ANKFY1: variants seen among roughly 807,000 people sequenced by gnomAD.
The protein encoded by ANKFY1 is ankyrin repeat and FYVE domain containing 1.
ANKFY1 carries 47 observed loss-of-function variants against 128.3 expected under a neutral mutation model. The observed-to-expected ratio is 0.37, with a 90% CI of 0.29 to 0.47. The LOEUF (loss-of-function observed/expected upper bound fraction) is 0.47, where lower values mean the gene tolerates loss of function less well. ANKFY1 is among the 20% of genes least tolerant of loss of function. ANKFY1 has a pLI of 1.00. For missense variants in ANKFY1, 1,222 were observed against 1,510.6 expected (o/e 0.81, Z 3.17); for synonymous variants, 553 against 601.6 (o/e 0.92, Z 1.18).
At chr17:4,253,981 T>A (rs1471553848) in intron 1 of ANKFY1, among the ~76,000 whole-genome samples, 1 of 152,146 alleles carries the variant, frequency 6.6e-6, no homozygotes, top group Non-Finnish European at 1.5e-5. Context: ...AACATCATTA[T>A]GCAGCACGTA....
At chr17:4,189,067 T>C (rs903596190) in intron 11 of ANKFY1, among the ~76,000 whole-genome samples, 4 of 152,182 alleles carry the variant, frequency 2.6e-5, no homozygotes, top group South Asian at 4.1e-4. Flanking sequence ...AAGAATCAAA[T>C]GCTATCGCGG....
In ANKFY1 at chr17:4,206,423, G is replaced by T. The variant is rs148775264; in HGVS notation, c.796C>A (p.Arg266=). 2.2e-4 allele frequency: 348 copies of T among 1,614,158 alleles called. No individual in the cohort carries two copies. Among genetic ancestry groups the T allele is most frequent in the East Asian group, 1.5e-3 (68 of 44,888 alleles). ...GTGGTGGCAATACTCTCCAGTCGTC[G>T]TGAGAGGGCTAGATCTAATGCCAGA... is the stretch of plus-strand genomic sequence containing the variant. The part of the protein sequence containing the change: ...GDLALDLALS[R]RLESIATTLV... Residue 266 remains arginine (R), a synonymous_variant, in exon 7 of 25, where the codon CGA becomes AGA. Coordinates refer to ENST00000341657, the MANE Select transcript of ANKFY1 (RefSeq NM_001330063.2).
At chr17:4,172,906 CTGGAG>C (rs1237295668) in intron 21 of ANKFY1, among the ~76,000 whole-genome samples, 1 of 152,244 alleles carries the variant, frequency 6.6e-6, no homozygotes, top group Admixed American at 6.5e-5. Flanking sequence ...GTCACCCAGG[CTGGAG>C]TGCAGTGGCG....
intron 1 of ANKFY1, among the ~76,000 whole-genome samples, chr17:4,248,052 C>A (rs933453965): frequency 6.6e-6 from 1 of 152,176 alleles, no homozygotes; most frequent in Non-Finnish European, 1.5e-5. Context: ...CCCAGCTTAC[C>A]CATTTACTAG....
intron 3 of ANKFY1, among the ~76,000 whole-genome samples, chr17:4,233,186 T>G (rs1436489810): frequency 6.6e-6 from 1 of 152,206 alleles, no homozygotes; most frequent in Non-Finnish European, 1.5e-5. Flanking sequence ...ATTCTTAACT[T>G]TTTTCTAACA....
intron 2 of ANKFY1, among the ~76,000 whole-genome samples, 174 bp from the exon 3 acceptor site, chr17:4,236,064 T>C (rs553093138): frequency 8.5e-5 from 13 of 152,374 alleles, no homozygotes; most frequent in Admixed American, 6.5e-4. Flanking sequence ...GTCATCTTTA[T>C]AGTATGTTGC....
intron 1 of ANKFY1, among the ~76,000 whole-genome samples, chr17:4,257,692 T>C (rs778814001): frequency 3.3e-5 from 5 of 152,236 alleles, no homozygotes; most frequent in Admixed American, 6.5e-5. Context: ...CCTTAAAATA[T>C]AGTTTCTCAT....
chr17:4,201,479 A>ATTT (rs59058325), intron 7 of ANKFY1, among the ~76,000 whole-genome samples: 1 of 135,694 alleles, frequency 7.4e-6, no homozygotes. Flanking sequence ...CCTGTGTCTG[A>ATTT]TTTTTTTTTT....
At chr17:4,214,925 C>T (rs978185328) in intron 4 of ANKFY1, among the ~76,000 whole-genome samples, 12 of 152,030 alleles carry the variant, frequency 7.9e-5, no homozygotes, top group African/African-American at 2.2e-4. Flanking sequence ...TATCATACAC[C>T]GAACATGTAT....
intron 10 of ANKFY1, chr17:4,194,687 G>A: frequency 2.4e-6 from 1 of 409,882 alleles, no homozygotes; most frequent in South Asian, 2.6e-5. Flanking sequence ...AGCTCTCTGG[G>A]GTACAATTTT....
chr17:4,223,184 C>A, intron 3 of ANKFY1: 1 of 800,890 alleles, frequency 1.2e-6, no homozygotes, highest in Non-Finnish European at 2.2e-6. Flanking sequence ...TCGTAAGCTG[C>A]AAAGTCTTCA....
intron 1 of ANKFY1, among the ~76,000 whole-genome samples, chr17:4,248,755 C>G (rs1030342734): frequency 1.3e-5 from 2 of 152,134 alleles, no homozygotes; most frequent in Non-Finnish European, 2.9e-5. Flanking sequence ...CAGAGCAAGA[C>G]TCTGTCTCAA....
chr17:4,189,369 C>T lies in ANKFY1; in HGVS notation c.1470+13G>A. 2 of 1,562,204 alleles carry T rather than the reference C, an allele frequency of 1.3e-6. No homozygotes were observed. Among genetic ancestry groups the T allele is most frequent in the Non-Finnish European group, 1.7e-6 (2 of 1,148,228 alleles). ...ATCAACACCATTTTCTCCGGCTGCCCTGTCACACTTACCCACTTGTTTCTG... is the reference window on the plus strand; with the variant it reads ...ATCAACACCATTTTCTCCGGCTGCCTTGTCACACTTACCCACTTGTTTCTG... On this transcript the variant is annotated intron_variant, in intron 11 of 24. Coordinates refer to ENST00000341657, the MANE Select transcript of ANKFY1 (RefSeq NM_001330063.2).
chr17:4,170,240 G>A (rs137980443), intron 23 of ANKFY1, among the ~76,000 whole-genome samples: 5 of 152,326 alleles, frequency 3.3e-5, no homozygotes, highest in African/African-American at 1.2e-4. Context: ...GAGACATTCT[G>A]ATTCTTTCTG....
At position 4,172,593 on chromosome 17, in the gene ANKFY1, C is replaced by T; in HGVS notation, c.3102G>A (p.Gly1034=). ...IFDLFLECMP[G]YPLDKPDADG... ...CTGCATCCGGCTTGTCCAGAGGATA[C>T]CCCGGCATGCATTCTAGGAAGAGAT... Residue 1034 remains glycine, a synonymous_variant, in exon 22 of 25, where the codon GGG becomes GGA. Transcript: ENST00000341657. 6.2e-7 allele frequency: 1 copy of T among 1,613,994 alleles called. No homozygotes were observed. The highest frequency in any genetic ancestry group is 8.5e-7 in the Non-Finnish European group (1 of 1,179,940).
rs1359613947 is a variant in ANKFY1, at chr17:4,263,965, C to T, written c.-24G>A. 4 of 1,613,980 alleles carry T rather than the reference C, an allele frequency of 2.5e-6. No homozygotes were observed. Among genetic ancestry groups the T allele is most frequent in the Non-Finnish European group, 3.4e-6 (4 of 1,179,956 alleles). On this transcript the variant is annotated 5_prime_UTR_variant, in exon 1 of 25. Transcript: ENST00000341657. ...ATGTCTGGCCCGGCACTGCCTGCAA[C>T]CTCGCGAGAAGTGCGCGGCTCAACC...
At position 4,173,965 on chromosome 17, in the gene ANKFY1, G is replaced by A; in HGVS notation, c.2867C>T (p.Ser956Leu). 1 of 1,614,230 alleles carries A rather than the reference G, an allele frequency of 6.2e-7. No individual in the cohort carries two copies. The change falls in exon 20 of 25, where the codon TCA (serine) becomes TTA (leucine). Residue 956 changes from serine to leucine, a missense_variant. Coordinates refer to ENST00000341657, the MANE Select transcript of ANKFY1 (RefSeq NM_001330063.2). Reference sequence around the variant, plus strand: ...GTCCACGCCATTCTCTAGGAGGACTGAGCAGATGGTGGGCAGGTCCTGCTG... The same window carrying A: ...GTCCACGCCATTCTCTAGGAGGACTAAGCAGATGGTGGGCAGGTCCTGCTG... ...AAQQDLPTICSVLLENGVDFA... is the reference protein window; with the variant it reads ...AAQQDLPTICLVLLENGVDFA...
chr17:4,248,495 G>C (rs950065851), intron 1 of ANKFY1, among the ~76,000 whole-genome samples: 1 of 152,216 alleles, frequency 6.6e-6, no homozygotes, highest in Admixed American at 6.5e-5. Context: ...ACCACTGTCA[G>C]AGAAGTACGT....
At chr17:4,243,845 G>C (rs1488578857) in intron 1 of ANKFY1, among the ~76,000 whole-genome samples, 1 of 152,204 alleles carries the variant, frequency 6.6e-6, no homozygotes, top group Non-Finnish European at 1.5e-5. Context: ...CAGTGTTCAC[G>C]AGGCGCTGGG....
Sources: gnomAD v4.1 joint callset for allele counts (sites outside exome capture counted in the v4.1 genomes callset) on GRCh38, gnomAD v4.1.1 for gene constraint, MANE v1.5 for transcripts, NCBI Gene and HGNC (gene_info 2026-07-23, HGNC 2026-07-21) for gene names.